Variants in CREB5 observed in about 807,000 individuals in gnomAD.
CREB5 encodes the protein cyclic AMP-responsive element-binding protein 5.
Under a neutral mutation model 57.1 loss-of-function variants are expected in CREB5, and 19 were observed. That is an observed-to-expected ratio of 0.33 (90% CI 0.23 to 0.49). CREB5 has a LOEUF of 0.49. Among genes scored for constraint, CREB5 ranks in the 20% least tolerant of loss-of-function variants. CREB5 has a pLI of 0.99. For missense variants in CREB5, 579 were observed against 671.6 expected (o/e 0.86, Z 1.52); for synonymous variants, 238 against 238.3 (o/e 1.00, Z 0.01).
chr7:28,486,386 A>C (rs988614941), intron 1 of CREB5, among the ~76,000 whole-genome samples: 1 of 151,848 alleles, frequency 6.6e-6, no homozygotes, highest in Non-Finnish European at 1.5e-5. Context: ...CTTCAGACAA[A>C]GGGTGATTAT....
At chr7:28,520,328 C>G (rs546502474) in intron 4 of CREB5, among the ~76,000 whole-genome samples, 2 of 152,316 alleles carry the variant, frequency 1.3e-5, no homozygotes, top group African/African-American at 4.8e-5. Flanking sequence ...GAGGCCTCTT[C>G]CCTTTCACAT....
At chr7:28,576,568 A>G (rs777258423) in intron 5 of CREB5, among the ~76,000 whole-genome samples, 7 of 152,348 alleles carry the variant, frequency 4.6e-5, no homozygotes, top group Middle Eastern at 3.4e-3. Context: ...TGCTCAGTCT[A>G]TCTGTTTACA....
At chr7:28,780,365 TTAAC>T (rs1381674181) in intron 7 of CREB5, among the ~76,000 whole-genome samples, 1 of 152,176 alleles carries the variant, frequency 6.6e-6, no homozygotes, top group Non-Finnish European at 1.5e-5. Context: ...GAAATAGCCT[TTAAC>T]TAAGTAGTAG....
At chr7:28,779,631 T>C (rs1806856883) in intron 7 of CREB5, among the ~76,000 whole-genome samples, 1 of 152,170 alleles carries the variant, frequency 6.6e-6, no homozygotes, top group African/African-American at 2.4e-5. Flanking sequence ...TGGGGTCACT[T>C]TAAGTAAATA....
intron 2 of CREB5, 105 bp downstream of exon 2, chr7:28,488,351 C>A: frequency 2.2e-6 from 2 of 893,094 alleles, no homozygotes; most frequent in Non-Finnish European, 1.8e-6. Context: ...CCTTCTTTAC[C>A]AAGACACCAC....
Position 28,327,127 on chromosome 7 carries a change from C to A in CREB5, c.-25+27686C>A, listed in dbSNP as rs986845110. Among the ~76,000 whole-genome samples the A allele has an allele frequency of 2.3e-5, 3 of 128,592 alleles. No homozygotes were observed. The South Asian group carries it at 7.2e-4, about 31-fold the overall frequency. 84.4% of individuals were successfully genotyped at this position (128,592 alleles called of 152,430 possible). Reference sequence around the variant, plus strand: ...TCAACCCATTGCACTCCAGCCTGGGCGACAGGGTGAGACTCCATCTCAAAA... The same window carrying A: ...TCAACCCATTGCACTCCAGCCTGGGAGACAGGGTGAGACTCCATCTCAAAA... On this transcript the variant is annotated intron_variant, in intron 1 of 9. Coordinates refer to the CREB5 transcript ENST00000396299.
intron 5 of CREB5, among the ~76,000 whole-genome samples, chr7:28,712,363 C>G (rs779787622): frequency 6.6e-6 from 1 of 151,570 alleles, no homozygotes; most frequent in African/African-American, 2.4e-5. Flanking sequence ...GAAAAATTAC[C>G]CCGGCATAGT....
chr7:28,433,522 A>G (rs1583456274), intron 1 of CREB5, among the ~76,000 whole-genome samples: 1 of 152,092 alleles, frequency 6.6e-6, no homozygotes, highest in African/African-American at 2.4e-5. Context: ...ATGCTTTTTA[A>G]GATAGGGTCT....
intron 1 of CREB5, among the ~76,000 whole-genome samples, chr7:28,404,317 TG>T (rs1324685134): frequency 6.6e-6 from 1 of 151,982 alleles, no homozygotes; most frequent in Non-Finnish European, 1.5e-5. Context: ...GGGATGCCAT[TG>T]GTTTTTTTTG....
intron 5 of CREB5, among the ~76,000 whole-genome samples, chr7:28,679,392 A>T (rs1800482225): frequency 6.6e-6 from 1 of 152,122 alleles, no homozygotes; most frequent in Admixed American, 6.6e-5. Context: ...GCAGCCTTGG[A>T]AACCAGTGGC....
intron 1 of CREB5, among the ~76,000 whole-genome samples, chr7:28,358,587 T>C (rs1031346723): frequency 1.3e-4 from 20 of 152,226 alleles, no homozygotes; most frequent in African/African-American, 4.6e-4. Flanking sequence ...TTTGTTTTGC[T>C]TTTAAGTCAC....
At chr7:28,578,244 G>C (rs1280463211) in intron 5 of CREB5, among the ~76,000 whole-genome samples, 1 of 152,018 alleles carries the variant, frequency 6.6e-6, no homozygotes, top group Non-Finnish European at 1.5e-5. Flanking sequence ...GTTCTTTTCT[G>C]TACTTGTCAT....
chr7:28,392,815 A>G (rs4000602), intron 1 of CREB5, among the ~76,000 whole-genome samples: 46,407 of 152,186 alleles, frequency 0.3, 7,586 homozygotes, highest in Middle Eastern at 0.36. Context: ...CATCTGTCTC[A>G]TGACATGATT....
At chr7:28,554,816 C>T (rs1794794836) in intron 4 of CREB5, among the ~76,000 whole-genome samples, 1 of 152,174 alleles carries the variant, frequency 6.6e-6, no homozygotes, top group African/African-American at 2.4e-5. Flanking sequence ...TCTAGGTATG[C>T]TCTATATGTG....
chr7:28,409,173 C>A (rs943590514), upstream of CREB5, among the ~76,000 whole-genome samples: 1 of 151,510 alleles, frequency 6.6e-6, no homozygotes, highest in Non-Finnish European at 1.5e-5. The surrounding 1 kb of genome is among the most constrained non-coding windows in gnomAD (Gnocchi z 4.4). Flanking sequence ...CGGGCGGGTG[C>A]ACCAGGGTCC....
At chr7:28,300,477 A>G (rs1785081454) in intron 1 of CREB5, among the ~76,000 whole-genome samples, 1 of 152,214 alleles carries the variant, frequency 6.6e-6, no homozygotes. Context: ...CAGTTATTGA[A>G]CATGTCTATG....
At chr7:28,555,700 C>A (rs2128636273) in intron 4 of CREB5, among the ~76,000 whole-genome samples, 1 of 152,240 alleles carries the variant, frequency 6.6e-6, no homozygotes, top group South Asian at 2.1e-4. Context: ...ACATAACTAT[C>A]ATTAGCATAA....
chr7:28,688,375 A>G (rs1441182145), intron 5 of CREB5, among the ~76,000 whole-genome samples: 1 of 152,220 alleles, frequency 6.6e-6, no homozygotes, highest in African/African-American at 2.4e-5. Flanking sequence ...AATGCAGCAG[A>G]CACAGACCCT....
chr7:28,679,159 C>A (rs1389142451), intron 5 of CREB5, among the ~76,000 whole-genome samples: 2 of 149,072 alleles, frequency 1.3e-5, no homozygotes, highest in East Asian at 2.0e-4. Flanking sequence ...TTTCTGAGGG[C>A]CTTTATGTGG....
Sources: gnomAD v4.1 joint callset for allele counts (sites outside exome capture counted in the v4.1 genomes callset) on GRCh38, gnomAD v4.1.1 for gene constraint, Gnocchi (gnomAD v3.1) non-coding constraint, MANE v1.5 for transcripts, NCBI Gene and HGNC (gene_info 2026-07-23, HGNC 2026-07-21) for gene names.